NRG1: variants seen among roughly 807,000 people sequenced by gnomAD.
The protein encoded by NRG1 is pro-neuregulin-1, membrane-bound isoform.
Under a neutral mutation model 63.8 loss-of-function variants are expected in NRG1, and 18 were observed. That is an observed-to-expected ratio of 0.28 (90% CI 0.19 to 0.42). The LOEUF (loss-of-function observed/expected upper bound fraction) is 0.42, where lower values mean the gene tolerates loss of function less well. Ranked by LOEUF, NRG1 falls within the 10% of genes least tolerant of loss-of-function variation. NRG1 has a pLI of 1.00. For synonymous variants in NRG1, 302 were observed against 301.3 expected, an observed-to-expected ratio of 1.00 and a Z score of -0.02; for missense variants, 762 against 814.7, an observed-to-expected ratio of 0.94 and a Z score of 0.79.
chr8:32,749,456 G>A (rs1828243382), intron 7 of NRG1: 2 of 1,146,742 alleles, frequency 1.7e-6, no homozygotes, highest in East Asian at 4.7e-5. Context: ...CATGCACAGA[G>A]AGCCATAATA....
chr8:32,190,707 T>C (rs1225342534), intron 1 of NRG1, among the ~76,000 whole-genome samples: 1 of 152,146 alleles, frequency 6.6e-6, no homozygotes, highest in East Asian at 1.9e-4. Flanking sequence ...TTTACCGTAT[T>C]TGCAACCTAA....
At chr8:32,667,874 A>G (rs1804619006) in intron 5 of NRG1, among the ~76,000 whole-genome samples, 1 of 152,182 alleles carries the variant, frequency 6.6e-6, no homozygotes, top group African/African-American at 2.4e-5. Context: ...ATAGATAACG[A>G]TGATGGCAAA....
At position 32,367,580 on chromosome 8, in the gene NRG1, C is replaced by T. The variant is rs756360724; in HGVS notation, c.38-228248C>T. On this transcript the variant is annotated intron_variant, in intron 1 of 10. Transcript: ENST00000519301. ...ATATACAAGGAACTCAAACTATAGT[C>T]CTTTGTCAGATGAATAGTTTGTAAA... Among the ~76,000 whole-genome samples, 3 of 152,048 alleles carry T rather than the reference C, an allele frequency of 2.0e-5. No homozygotes were observed. The East Asian group carries it at 5.8e-4, about 29-fold the overall frequency.
intron 1 of NRG1, among the ~76,000 whole-genome samples, chr8:31,991,279 G>A (rs73586584): frequency 0.037 from 5,584 of 151,816 alleles, 357 homozygotes; most frequent in African/African-American, 0.13. Context: ...TCCTGACGAC[G>A]ACAACAACTT....
chr8:31,754,439 T>G (rs1232370964), intron 1 of NRG1, among the ~76,000 whole-genome samples: 1 of 152,096 alleles, frequency 6.6e-6, no homozygotes, highest in Non-Finnish European at 1.5e-5. Flanking sequence ...TACACCCTCT[T>G]TGCCTTCCAC....
At chr8:32,017,111 A>C (rs1815662229) in intron 1 of NRG1, among the ~76,000 whole-genome samples, 1 of 152,210 alleles carries the variant, frequency 6.6e-6, no homozygotes, top group Non-Finnish European at 1.5e-5. Context: ...TGCTCTCTGC[A>C]CTGAAGAGCG....
At chr8:31,912,569 T>C (rs776010190) in intron 1 of NRG1, among the ~76,000 whole-genome samples, 3 of 59,726 alleles carry the variant, frequency 5.0e-5, no homozygotes, top group Non-Finnish European at 1.0e-4. Flanking sequence ...AGAAATGCTT[T>C]TTTTTTTTTT....
chr8:31,900,389 A>G (rs1019907277), intron 1 of NRG1, among the ~76,000 whole-genome samples: 5 of 152,238 alleles, frequency 3.3e-5, no homozygotes, highest in African/African-American at 1.2e-4. Flanking sequence ...TGCAAGTATT[A>G]AAAGCACTTT....
At chr8:31,720,408 C>A (rs1304441080) in intron 1 of NRG1, among the ~76,000 whole-genome samples, 1 of 152,140 alleles carries the variant, frequency 6.6e-6, no homozygotes, top group Non-Finnish European at 1.5e-5. Context: ...TAGATTGCTG[C>A]ACAGATCATC....
intron 1 of NRG1, among the ~76,000 whole-genome samples, chr8:32,291,704 G>A (rs189376240): frequency 2.6e-5 from 4 of 151,510 alleles, no homozygotes; most frequent in African/African-American, 7.3e-5. Flanking sequence ...CACCACTCCC[G>A]GCTAATTTGT....
chr8:31,871,624 G>A (rs1187450167), intron 1 of NRG1, among the ~76,000 whole-genome samples: 2 of 151,530 alleles, frequency 1.3e-5, no homozygotes, highest in African/African-American at 4.9e-5. Context: ...AAAAACTGTG[G>A]TTCTTATTTT....
At chr8:31,732,220 C>G (rs1385106381) in intron 1 of NRG1, among the ~76,000 whole-genome samples, 1 of 152,108 alleles carries the variant, frequency 6.6e-6, no homozygotes, top group Non-Finnish European at 1.5e-5. Flanking sequence ...CTGACGTTAT[C>G]ACGATTAGAC....
chr8:31,666,808 T>C (rs925130675), intron 1 of NRG1, among the ~76,000 whole-genome samples: 1 of 152,230 alleles, frequency 6.6e-6, no homozygotes, highest in African/African-American at 2.4e-5. Flanking sequence ...TTCTACCACA[T>C]GTGGCATTTC....
chr8:32,054,855 C>CTT (rs1822590267), intron 1 of NRG1, among the ~76,000 whole-genome samples: 2 of 56,306 alleles, frequency 3.6e-5, no homozygotes, highest in African/African-American at 1.5e-4. Context: ...AAGCAGATTT[C>CTT]TTTCTTTCTT....
At chr8:32,490,382 A>T (rs1826411528) in intron 1 of NRG1, among the ~76,000 whole-genome samples, 1 of 151,896 alleles carries the variant, frequency 6.6e-6, no homozygotes, top group South Asian at 2.1e-4. Flanking sequence ...TTGTATTTTA[A>T]CAAGGCCTCC....
intron 1 of NRG1, among the ~76,000 whole-genome samples, chr8:31,989,353 C>T (rs1810676857): frequency 6.7e-6 from 1 of 149,854 alleles, no homozygotes; most frequent in South Asian, 2.1e-4. Context: ...AGGAACATCA[C>T]ATTCCAAATG....
chr8:32,193,956 G>T (rs959079796), intron 1 of NRG1, among the ~76,000 whole-genome samples: 1 of 152,216 alleles, frequency 6.6e-6, no homozygotes, highest in African/African-American at 2.4e-5. Context: ...AAGCAGCCCT[G>T]TGGACACCTT....
chr8:32,354,951 A>G (rs770077113), intron 1 of NRG1, among the ~76,000 whole-genome samples: 10 of 152,006 alleles, frequency 6.6e-5, no homozygotes, highest in Admixed American at 3.9e-4. Flanking sequence ...TTTCTACTTC[A>G]TACTATCAGC....
chr8:32,011,665 C>G (rs1010178530), intron 1 of NRG1, among the ~76,000 whole-genome samples: 2 of 152,022 alleles, frequency 1.3e-5, no homozygotes, highest in African/African-American at 4.8e-5. Context: ...TCCTGAGCAC[C>G]ACTCTCCCTC....
Sources: allele counts gnomAD v4.1 joint callset (sites outside exome capture counted in the v4.1 genomes callset), GRCh38; gene constraint gnomAD v4.1.1; transcripts MANE v1.5; gene names NCBI Gene and HGNC (gene_info 2026-07-23, HGNC 2026-07-21).